The following DENND1B variants were observed in gnomAD, a reference collection of about 807,000 sequenced individuals.
DENND1B encodes the protein DENN domain-containing protein 1B.
A neutral mutation model predicts 90.1 loss-of-function variants in DENND1B; 59 were observed. The observed-to-expected ratio is 0.65, with a 90% confidence interval of 0.53 to 0.81. The LOEUF (loss-of-function observed/expected upper bound fraction) is 0.81. DENND1B is among the 40% of genes least tolerant of loss of function. The pLI is 0.00. For missense variants in DENND1B, 862 were observed against 912.6 expected (o/e 0.94, Z 0.71); for synonymous variants, 337 against 324.6 (o/e 1.04, Z -0.41).
At chr1:197,651,838 G>A (rs1265563346) in intron 7 of DENND1B, among the ~76,000 whole-genome samples, 1 of 151,512 alleles carries the variant, frequency 6.6e-6, no homozygotes, top group East Asian at 1.9e-4. Context: ...TGTATTTTTA[G>A]TAGAGATGGG....
At chr1:197,641,083 T>G (rs1347120607) in intron 10 of DENND1B, among the ~76,000 whole-genome samples, 2 of 152,244 alleles carry the variant, frequency 1.3e-5, no homozygotes, top group African/African-American at 4.8e-5. Flanking sequence ...GCTATTTGTT[T>G]GCTCACTTGT....
chr1:197,531,159 T>C (rs563039161), intron 20 of DENND1B, among the ~76,000 whole-genome samples: 6 of 152,228 alleles, frequency 3.9e-5, no homozygotes, highest in Non-Finnish European at 8.8e-5. Flanking sequence ...TTTAAATGAA[T>C]CACGTAAATA....
intron 2 of DENND1B, among the ~76,000 whole-genome samples, chr1:197,719,942 G>C (rs1661002720): frequency 6.6e-6 from 1 of 152,258 alleles, no homozygotes; most frequent in Admixed American, 6.5e-5. Context: ...AATGGAAGTA[G>C]AATTATGAAA....
intron 3 of DENND1B, among the ~76,000 whole-genome samples, chr1:197,693,825 G>A (rs1191679496): frequency 6.6e-6 from 1 of 151,178 alleles, no homozygotes; most frequent in Non-Finnish European, 1.5e-5. Flanking sequence ...TCTCCCCAGG[G>A]TAGAATAACC....
At chr1:197,658,717 A>C (rs1654098541) in intron 5 of DENND1B, among the ~76,000 whole-genome samples, 1 of 151,442 alleles carries the variant, frequency 6.6e-6, no homozygotes, top group Admixed American at 6.6e-5. Context: ...AAAGCTTTTA[A>C]AACAAAAGAT....
At chr1:197,643,872 A>G (rs1680500630) in intron 9 of DENND1B, among the ~76,000 whole-genome samples, 1 of 152,242 alleles carries the variant, frequency 6.6e-6, no homozygotes, top group Non-Finnish European at 1.5e-5. Flanking sequence ...AAACAAATAC[A>G]TCAGAAAGCA....
intron 10 of DENND1B, among the ~76,000 whole-genome samples, chr1:197,635,490 C>T (rs950640989): frequency 6.6e-6 from 1 of 151,958 alleles, no homozygotes; most frequent in Admixed American, 6.6e-5. Flanking sequence ...GCGTGTGACA[C>T]CACACCCAGC....
At chr1:197,565,706 T>C (rs1209920283) in intron 15 of DENND1B, among the ~76,000 whole-genome samples, 1 of 147,462 alleles carries the variant, frequency 6.8e-6, no homozygotes, top group Non-Finnish European at 1.5e-5. Context: ...GTTCTCACTG[T>C]TCAATTCCCA....
chr1:197,506,324 A>T lies in DENND1B; in HGVS notation c.*4136T>A, dbSNP rs948251852. 6.6e-6 allele frequency: 1 copy of T among 151,604 alleles called. No individual in the cohort carries two copies. Among genetic ancestry groups the T allele is most frequent in the African/African-American group, 2.4e-5 (1 of 41,396 alleles). 9.4% of individuals were successfully genotyped at this position (151,604 alleles called of 1,614,324 possible). On this transcript the variant is annotated 3_prime_UTR_variant, in exon 23 of 23. Coordinates refer to ENST00000620048, the MANE Select transcript of DENND1B (RefSeq NM_001195215.2). Reference sequence around the variant, plus strand: ...TGCCTCTTAAATAAGGTGTAACAACATACACTAACAATATTACTGGGTTTG... The same window carrying T: ...TGCCTCTTAAATAAGGTGTAACAACTTACACTAACAATATTACTGGGTTTG...
intron 20 of DENND1B, among the ~76,000 whole-genome samples, chr1:197,515,993 CT>C: frequency 6.6e-6 from 1 of 151,722 alleles, no homozygotes; most frequent in East Asian, 1.9e-4. Flanking sequence ...TTTTATGAAG[CT>C]ACTGCTTTTT....
intron 3 of DENND1B, among the ~76,000 whole-genome samples, chr1:197,703,010 T>C (rs115163161): frequency 0.033 from 5,068 of 152,102 alleles, 290 homozygotes; most frequent in African/African-American, 0.11. Flanking sequence ...ATTTTTGAGA[T>C]AGGGTCTCAC....
intron 15 of DENND1B, among the ~76,000 whole-genome samples, chr1:197,554,500 G>A (rs1671533694): frequency 6.6e-6 from 1 of 151,952 alleles, no homozygotes; most frequent in South Asian, 2.1e-4. Context: ...AAAACTAATT[G>A]AGATGAGTTG....
chr1:197,561,418 C>A (rs180884218), intron 15 of DENND1B, among the ~76,000 whole-genome samples: 1 of 151,936 alleles, frequency 6.6e-6, no homozygotes, highest in Admixed American at 6.6e-5. Context: ...TTCTGTCCTA[C>A]CTAATTGTTC....
intron 2 of DENND1B, among the ~76,000 whole-genome samples, chr1:197,763,562 A>G (rs1655361597): frequency 6.6e-6 from 1 of 152,244 alleles, no homozygotes; most frequent in African/African-American, 2.4e-5. Context: ...ACACTGTAGC[A>G]GAGAGATTCT....
At chr1:197,574,965 G>A (rs1165661020) in intron 15 of DENND1B, among the ~76,000 whole-genome samples, 5 of 152,148 alleles carry the variant, frequency 3.3e-5, no homozygotes, top group Admixed American at 1.3e-4. Context: ...AGACTTAAAT[G>A]CTAGACCTAA....
chr1:197,748,827 T>C (rs1653067758), intron 2 of DENND1B, among the ~76,000 whole-genome samples: 1 of 152,240 alleles, frequency 6.6e-6, no homozygotes, highest in Admixed American at 6.5e-5. Flanking sequence ...ACTATGTTTA[T>C]GGTAATTTGT....
chr1:197,641,639 TTGTA>T (rs1421655059), intron 10 of DENND1B, among the ~76,000 whole-genome samples: 2 of 152,148 alleles, frequency 1.3e-5, no homozygotes, highest in African/African-American at 2.4e-5. Flanking sequence ...ATATGTACAA[TTGTA>T]TGTATTTTTT....
intron 15 of DENND1B, among the ~76,000 whole-genome samples, chr1:197,557,145 A>G (rs1671783842): frequency 6.6e-6 from 1 of 151,928 alleles, no homozygotes; most frequent in Admixed American, 6.6e-5. Flanking sequence ...GTGGTTTAAA[A>G]CGCATGCAAA....
intron 10 of DENND1B, among the ~76,000 whole-genome samples, chr1:197,640,302 G>A (rs1339220515): frequency 1.3e-5 from 2 of 151,614 alleles, no homozygotes; most frequent in African/African-American, 2.4e-5. Flanking sequence ...GTGAAACCCC[G>A]TCTCTACTAA....
Sources: allele counts gnomAD v4.1 joint callset (sites outside exome capture counted in the v4.1 genomes callset), GRCh38; gene constraint gnomAD v4.1.1; transcripts MANE v1.5; gene names NCBI Gene and HGNC (gene_info 2026-07-23, HGNC 2026-07-21).